Variants in CLTRN observed in about 807,000 individuals in gnomAD.
The protein encoded by CLTRN is collectrin.
Under a neutral mutation model 14.5 loss-of-function variants are expected in CLTRN, and 12 were observed. The ratio of observed to expected loss-of-function variants is 0.83; its 90% CI spans 0.53 to 1.34. The LOEUF is 1.34. CLTRN is among the 40% of genes most tolerant of loss of function. The pLI is 0.00. For synonymous variants in CLTRN, 58 were observed against 56.5 expected (o/e 1.03, Z -0.12); for missense variants, 154 against 165.1 (o/e 0.93, Z 0.37).
intron 5 of CLTRN, among the ~76,000 whole-genome samples, chrX:15,631,531 G>A (rs1928694548): frequency 8.9e-6 from 1 of 111,982 alleles, no homozygotes; most frequent in African/African-American, 3.3e-5. Flanking sequence ...CCCCTTCCCA[G>A]CAACAAGGAA....
chrX:15,644,882 T>C (rs760427684), intron 4 of CLTRN, 34 bp downstream of exon 4: 34 of 935,796 alleles, frequency 3.6e-5, no homozygotes, highest in Non-Finnish European at 4.8e-5. Context: ...AGCAAGTTGA[T>C]TGACTAATAG....
At chrX:15,659,210 ACACG>A in intron 2 of CLTRN, 109 bp from the exon 3 acceptor site, 3 of 309,332 alleles carry the variant, frequency 9.7e-6, no homozygotes, top group Non-Finnish European at 1.8e-5. Flanking sequence ...ACACACACAC[ACACG>A]CACACACACA....
At chrX:15,665,369 A>G (rs1929601100), upstream of CLTRN, among the ~76,000 whole-genome samples, 1 of 111,826 alleles carries the variant, frequency 8.9e-6, no homozygotes. Flanking sequence ...AAAACTACCT[A>G]TCGAATACTA....
chrX:15,658,756 T>C (rs1001616435), intron 3 of CLTRN, among the ~76,000 whole-genome samples: 1 of 107,089 alleles, frequency 9.3e-6, no homozygotes, highest in African/African-American at 3.4e-5. Flanking sequence ...ACAATAGAAA[T>C]GTAGAAAGCT....
chrX:15,671,732 T>C lies in CLTRN; in HGVS notation c.-506+3257A>G, dbSNP rs182432317. ...GCCCATGACTACAAAAAACAGGAAA[T>C]TATTTTTCATTGGCCATCTTAATAA... On this transcript the variant is annotated intron_variant, in intron 1 of 6. Coordinates refer to the CLTRN transcript ENST00000650271. Among the ~76,000 whole-genome samples the C allele has an allele frequency of 4.3e-3, 474 of 111,301 alleles. 3 individuals are homozygous for C. The highest frequency in any genetic ancestry group is 0.015 in the African/African-American group (458 of 30,620).
Position 15,672,836 on chromosome X carries a change from A to G in CLTRN, c.-506+2153T>C, listed in dbSNP as rs183793280. 1.5e-3 allele frequency among the ~76,000 whole-genome samples: 163 copies of G among 112,014 alleles called. 1 individual carries two copies. Among genetic ancestry groups the G allele is most frequent in the African/African-American group, 5.1e-3 (157 of 30,804 alleles). ...TTTCCTTCTGTGCATGGACTCAGCCACCCCAACTGAGCTATTCAGTCCACT... is the reference window on the plus strand; with the variant it reads ...TTTCCTTCTGTGCATGGACTCAGCCGCCCCAACTGAGCTATTCAGTCCACT... On this transcript the variant is annotated intron_variant, in intron 1 of 6. Transcript: ENST00000650271.
chrX:15,667,386 G>A (rs1929642404), upstream of CLTRN, among the ~76,000 whole-genome samples: 1 of 112,561 alleles, frequency 8.9e-6, no homozygotes, highest in Admixed American at 9.4e-5. Context: ...AGAACACTGA[G>A]TCTTAGTGTA....
intron 3 of CLTRN, among the ~76,000 whole-genome samples, chrX:15,649,436 A>C (rs1929165472): frequency 8.9e-6 from 1 of 112,479 alleles, no homozygotes; most frequent in South Asian, 3.7e-4. Context: ...TTCAATAGAG[A>C]CAGTTATTGT....
upstream of CLTRN, among the ~76,000 whole-genome samples, chrX:15,668,091 T>C (rs978554287): frequency 8.9e-6 from 1 of 112,028 alleles, no homozygotes; most frequent in Non-Finnish European, 1.9e-5. Flanking sequence ...GTATAGACAA[T>C]ATAGAGAAGC....
intron 3 of CLTRN, among the ~76,000 whole-genome samples, chrX:15,652,604 G>T (rs904924345): frequency 9.0e-6 from 1 of 110,794 alleles, no homozygotes; most frequent in African/African-American, 3.3e-5. Flanking sequence ...ATAAGATTTT[G>T]TTGTTGTTGT....
intron 1 of CLTRN, among the ~76,000 whole-genome samples, chrX:15,673,961 T>G (rs1034127160): frequency 6.2e-5 from 7 of 112,601 alleles, no homozygotes; most frequent in Admixed American, 1.9e-4. Flanking sequence ...AAACCAGCAC[T>G]TATCAAGTCC....
At chrX:15,663,272 C>T (rs905121185) in intron 2 of CLTRN, among the ~76,000 whole-genome samples, 3 of 112,324 alleles carry the variant, frequency 2.7e-5, no homozygotes, top group Non-Finnish European at 3.8e-5. Flanking sequence ...CATTCAGCAT[C>T]GTACCTGCTA....
chrX:15,644,937 A>G lies in CLTRN; in HGVS notation c.296T>C (p.Val99Ala). ...TTACCTTATGGCTGATTGCACCTCA[A>G]CAGCAGGAAGGGTGTGATTTTTTGA... Reference protein sequence around the residue: ...DPSKNHTLPAVEVQSAIRMNK... With the variant: ...DPSKNHTLPAAEVQSAIRMNK... The change falls in exon 4 of 6, where the codon GTT becomes GCT. Residue 99 changes from valine (V) to alanine (A), a missense_variant. Coordinates refer to ENST00000380342, the MANE Select transcript of CLTRN (RefSeq NM_020665.6). The G allele has an allele frequency of 2.5e-6, 3 of 1,203,346 alleles. No individual in the cohort carries two copies. Among genetic ancestry groups the G allele is most frequent in the Non-Finnish European group, 3.4e-6 (3 of 890,511 alleles).
intron 5 of CLTRN, among the ~76,000 whole-genome samples, chrX:15,636,414 T>C (rs959211339): frequency 3.6e-5 from 4 of 112,170 alleles, no homozygotes; most frequent in South Asian, 3.7e-4. Context: ...TGAAGAACAG[T>C]ATGCTAAATG....
intron 5 of CLTRN, among the ~76,000 whole-genome samples, chrX:15,637,541 T>C (rs1928846549): frequency 1.8e-5 from 2 of 112,158 alleles, no homozygotes; most frequent in South Asian, 7.4e-4. Flanking sequence ...AATAAATTTG[T>C]AAAGGCAAGG....
In CLTRN at chrX:15,662,963, C is replaced by T. The variant is rs988619857; in HGVS notation, c.117+1374G>A. Among the ~76,000 whole-genome samples the T allele has an allele frequency of 3.6e-5, 4 of 111,384 alleles. No individual in the cohort carries two copies. In the Middle Eastern group the frequency reaches 0.014, roughly 381 times the overall value. ...CCCCAATTCCAGATATTTCTGCCCT[C>T]TTTCTAATCTTTACTCTCACCAAGA... is the stretch of plus-strand genomic sequence containing the variant. On this transcript the variant is annotated intron_variant, in intron 2 of 5. Transcript: ENST00000380342.
At chrX:15,628,794 T>C (rs1235936658) in intron 5 of CLTRN, among the ~76,000 whole-genome samples, 1 of 112,178 alleles carries the variant, frequency 8.9e-6, no homozygotes. Context: ...CTTGTAGTTA[T>C]AATTCCAGGT....
chrX:15,654,089 G>A (rs980348587), intron 3 of CLTRN, among the ~76,000 whole-genome samples: 1 of 112,180 alleles, frequency 8.9e-6, no homozygotes, highest in African/African-American at 3.2e-5. Flanking sequence ...CCTCCAAAGA[G>A]TGGTAAGAAT....
intron 3 of CLTRN, among the ~76,000 whole-genome samples, chrX:15,654,047 T>C (rs1929289590): frequency 8.9e-6 from 1 of 112,270 alleles, no homozygotes; most frequent in African/African-American, 3.2e-5. Context: ...CCACTGCCAT[T>C]TTTCATCAAT....
Sources: gnomAD v4.1 joint callset for allele counts (sites outside exome capture counted in the v4.1 genomes callset) on GRCh38, gnomAD v4.1.1 for gene constraint, MANE v1.5 for transcripts, NCBI Gene and HGNC (gene_info 2026-07-23, HGNC 2026-07-21) for gene names.